Variants in MAN1C1 observed in about 807,000 individuals in gnomAD.
MAN1C1 encodes mannosyl-oligosaccharide 1,2-alpha-mannosidase IC.
In MAN1C1, 49 loss-of-function variants were observed where a neutral mutation model predicts 71.5. The observed-to-expected ratio is 0.69, with a 90% CI of 0.54 to 0.87. MAN1C1 has a LOEUF of 0.87. Among genes scored for constraint, MAN1C1 ranks in the 40% least tolerant of loss-of-function variants. The pLI, the probability that MAN1C1 is intolerant of heterozygous loss-of-function variation, is 0.00. For synonymous variants in MAN1C1, 352 were observed against 343.7 expected, an observed-to-expected ratio of 1.02 and a Z score of -0.27; for missense variants, 743 against 835.0, an observed-to-expected ratio of 0.89 and a Z score of 1.36.
chr1:25,668,920 A>G (rs1202933829), intron 1 of MAN1C1, among the ~76,000 whole-genome samples: 2 of 152,148 alleles, frequency 1.3e-5, no homozygotes, highest in Non-Finnish European at 2.9e-5. Context: ...TTCCTCCTTT[A>G]TACAAAGCAT....
At chr1:25,629,741 AT>A (rs201254114) in intron 1 of MAN1C1, among the ~76,000 whole-genome samples, 14,252 of 143,106 alleles carry the variant, frequency 0.1, 1,497 homozygotes, top group African/African-American at 0.24. Context: ...TTTTTAATTG[AT>A]TTTTTTTTTT....
At chr1:25,686,288 A>G (rs976090106) in intron 1 of MAN1C1, 152 bp from the exon 2 acceptor site, 4 of 679,894 alleles carry the variant, frequency 5.9e-6, no homozygotes, top group Admixed American at 2.3e-5. Flanking sequence ...AAATAAAATC[A>G]TGTTGCGAGG....
intron 2 of MAN1C1, among the ~76,000 whole-genome samples, chr1:25,734,420 C>A (rs1355253615): frequency 6.6e-6 from 1 of 152,244 alleles, no homozygotes; most frequent in African/African-American, 2.4e-5. Flanking sequence ...TGAGCCACTG[C>A]ACCTGGCCCA....
chr1:25,715,066 C>G (rs1215575567), intron 2 of MAN1C1, among the ~76,000 whole-genome samples: 1 of 152,134 alleles, frequency 6.6e-6, no homozygotes, highest in African/African-American at 2.4e-5. Flanking sequence ...TCCCTGTGGC[C>G]TGTTTTCACT....
intron 1 of MAN1C1, among the ~76,000 whole-genome samples, chr1:25,679,308 A>G (rs2046112740): frequency 6.6e-6 from 1 of 152,130 alleles, no homozygotes; most frequent in Non-Finnish European, 1.5e-5. Flanking sequence ...AAAAGGAGAA[A>G]CCAAAATAGC....
At chr1:25,768,859 C>G (rs1572208694) in intron 7 of MAN1C1, among the ~76,000 whole-genome samples, 1 of 146,722 alleles carries the variant, frequency 6.8e-6, no homozygotes, top group African/African-American at 2.5e-5. Context: ...CATACACTCT[C>G]CCTACACACA....
rs896394379 is a variant in MAN1C1, at chr1:25,725,543, G to A, written c.638-21125G>A. On this transcript the variant is annotated intron_variant, in intron 2 of 11. Transcript: ENST00000374332. This position sits in a 1 kb window ranked among gnomAD's most constrained non-coding sequence, Gnocchi z 4.8. ...GGTAAAGGGCACAGCACGTGCAAGGGCATGGTGGCGTGAGAGTACAGGAGT... is the reference window on the plus strand; with the variant it reads ...GGTAAAGGGCACAGCACGTGCAAGGACATGGTGGCGTGAGAGTACAGGAGT... Among the ~76,000 whole-genome samples the A allele has an allele frequency of 9.2e-5, 14 of 152,198 alleles. No individual in the cohort carries two copies. Among genetic ancestry groups the A allele is most frequent in the African/African-American group, 3.4e-4 (14 of 41,458 alleles).
chr1:25,683,052 A>AAG (rs1190447218), intron 1 of MAN1C1, among the ~76,000 whole-genome samples: 2 of 151,896 alleles, frequency 1.3e-5, no homozygotes, highest in African/African-American at 4.8e-5. Context: ...AAAAAAAAAA[A>AAG]AGAGACTACT....
At chr1:25,750,556 T>C (rs1486962402) in intron 4 of MAN1C1, among the ~76,000 whole-genome samples, 11 of 152,180 alleles carry the variant, frequency 7.2e-5, no homozygotes, top group Non-Finnish European at 2.9e-5. Flanking sequence ...TCCGCTTCCC[T>C]TCATCTGTGA....
chr1:25,756,006 TTACTCTGTGGCC>T (rs1215729156), intron 5 of MAN1C1, among the ~76,000 whole-genome samples: 2 of 152,306 alleles, frequency 1.3e-5, no homozygotes, highest in East Asian at 3.9e-4. Flanking sequence ...GTTCTACCAC[TTACTCTGTGGCC>T]TCGCCCTCAT....
chr1:25,727,389 C>G (rs903123710), intron 2 of MAN1C1, among the ~76,000 whole-genome samples: 2 of 152,160 alleles, frequency 1.3e-5, no homozygotes, highest in African/African-American at 4.8e-5. Flanking sequence ...CAGTGAGAGG[C>G]GGTGAGCGAC....
intron 7 of MAN1C1, among the ~76,000 whole-genome samples, chr1:25,770,559 G>C (rs1258678829): frequency 1.3e-5 from 2 of 152,184 alleles, no homozygotes; most frequent in Non-Finnish European, 2.9e-5. Flanking sequence ...AGCCATTTAG[G>C]CCCAGTTGCC....
rs184714990 is a variant in MAN1C1 at position 25,745,187 on chromosome 1, C to T, written c.638-1481C>T. 3.9e-5 allele frequency among the ~76,000 whole-genome samples: 6 copies of T among 152,322 alleles called. No individual in the cohort carries two copies. In the East Asian group the frequency reaches 1.2e-3, roughly 29 times the overall value. ...CATGGGATGGAAAACTATCATTTTG[C>T]ACTTATCTCAGCCTTTACTCCCAGG... On this transcript the variant is annotated intron_variant, in intron 2 of 11. Coordinates refer to ENST00000374332, the MANE Select transcript of MAN1C1 (RefSeq NM_020379.4).
Position 25,761,504 on chromosome 1 carries a change from A to T in MAN1C1, c.1048-2370A>T, listed in dbSNP as rs987856533. 2.6e-5 allele frequency: 4 copies of T among 152,126 alleles called. No homozygotes were observed. The South Asian group carries it at 6.2e-4, about 24-fold the overall frequency. The allele number at this position is 152,126 out of a possible 1,614,324, so 9.4% of individuals were successfully genotyped here. A position where few individuals can be genotyped will look rare whatever the true frequency, so the allele number is the denominator to read the frequency against. Reference sequence around the variant, plus strand: ...CAATACATTGTTATGAACTACAGTCATCATGTCTTATACCATAGATCTCTT... The same window carrying T: ...CAATACATTGTTATGAACTACAGTCTTCATGTCTTATACCATAGATCTCTT... On this transcript the variant is annotated intron_variant, in intron 6 of 11. Transcript: ENST00000374332.
At chr1:25,619,147 C>T (rs1476505281) in intron 1 of MAN1C1, among the ~76,000 whole-genome samples, 1 of 152,332 alleles carries the variant, frequency 6.6e-6, no homozygotes, top group East Asian at 1.9e-4. Context: ...CAGTTGCCAG[C>T]TTGCCACTGC....
chr1:25,762,251 T>C (rs2047371369), intron 6 of MAN1C1, among the ~76,000 whole-genome samples: 1 of 151,258 alleles, frequency 6.6e-6, no homozygotes, highest in Non-Finnish European at 1.5e-5. Flanking sequence ...CTCAGCCTCC[T>C]GAGTAGCTGG....
intron 1 of MAN1C1, among the ~76,000 whole-genome samples, chr1:25,686,138 AAG>A (rs2046227575): frequency 6.6e-6 from 1 of 152,182 alleles, no homozygotes; most frequent in South Asian, 2.1e-4. Flanking sequence ...GGCTTCCTGG[AAG>A]AGGTGACTTT....
chr1:25,692,317 C>A (rs1384369207), intron 2 of MAN1C1, among the ~76,000 whole-genome samples: 1 of 152,184 alleles, frequency 6.6e-6, no homozygotes, highest in Non-Finnish European at 1.5e-5. Context: ...TGTATGATTT[C>A]GGGCCCAAGA....
At chr1:25,657,207 G>A (rs1204950364) in intron 1 of MAN1C1, among the ~76,000 whole-genome samples, 1 of 152,218 alleles carries the variant, frequency 6.6e-6, no homozygotes, top group Non-Finnish European at 1.5e-5. Flanking sequence ...CCACAGCCAT[G>A]CTTACCATTA....
Sources: allele counts gnomAD v4.1 joint callset (sites outside exome capture counted in the v4.1 genomes callset), GRCh38; gene constraint gnomAD v4.1.1; non-coding constraint Gnocchi (gnomAD v3.1); transcripts MANE v1.5; gene names NCBI Gene and HGNC (gene_info 2026-07-23, HGNC 2026-07-21).